MAF: variants seen among roughly 807,000 people sequenced by gnomAD.
The protein encoded by MAF is MAF bZIP transcription factor.
Under a neutral mutation model 22.0 loss-of-function variants are expected in MAF, and 10 were observed. That is an observed-to-expected ratio of 0.45 (90% CI 0.28 to 0.77). MAF has a LOEUF of 0.77. Among genes scored for constraint, MAF ranks in the 30% least tolerant of loss-of-function variants. MAF has a pLI of 0.12. For missense variants in MAF, 544 were observed against 548.4 expected (o/e 0.99, Z 0.08); for synonymous variants, 337 against 255.8 (o/e 1.32, Z -3.03).
chr16:79,596,283 T>G, intron 1 of MAF: 1 of 1,060,160 alleles, frequency 9.4e-7, no homozygotes, highest in Middle Eastern at 4.2e-4. Flanking sequence ...GGTCATAATT[T>G]ACATCTATAT....
At chr16:79,598,716 C>G in intron 1 of MAF, 69 bp downstream of exon 1, 1 of 1,604,076 alleles carries the variant, frequency 6.2e-7, no homozygotes, top group Non-Finnish European at 8.5e-7. Flanking sequence ...ACTAGCAAGC[C>G]CACACCCGAG....
chr16:79,595,078 C>T (rs1365403604), intron 1 of MAF: 9 of 1,047,352 alleles, frequency 8.6e-6, no homozygotes, highest in Non-Finnish European at 1.0e-5. Context: ...AGCATTCTCT[C>T]CATTTCTGCT....
chr16:79,459,192 T>C, the MAF span, among the ~76,000 whole-genome samples: 1 of 152,206 alleles, frequency 6.6e-6, no homozygotes, highest in Non-Finnish European at 1.5e-5. Flanking sequence ...TTGTCTCACA[T>C]AAAAGTTCAT....
the MAF span, among the ~76,000 whole-genome samples, chr16:79,287,699 TTTCA>T: frequency 6.6e-6 from 1 of 152,290 alleles, no homozygotes; most frequent in African/African-American, 2.4e-5. Context: ...CCACTCATTC[TTTCA>T]TTCACTCATT....
At chr16:79,579,870 T>C in the MAF span, among the ~76,000 whole-genome samples, 1 of 152,178 alleles carries the variant, frequency 6.6e-6, no homozygotes, top group African/African-American at 2.4e-5. Flanking sequence ...TGAATGGCAC[T>C]GTGACATGTT....
chr16:79,502,708 A>AATATATATAT, the MAF span, among the ~76,000 whole-genome samples: 40 of 33,942 alleles, frequency 1.2e-3, no homozygotes, highest in Non-Finnish European at 1.6e-3. Flanking sequence ...TATAAATATA[A>AATATATATAT]ATATATATAT....
chr16:79,504,765 T>C, the MAF span, among the ~76,000 whole-genome samples: 7 of 152,204 alleles, frequency 4.6e-5, no homozygotes, highest in African/African-American at 1.7e-4. Context: ...ATCTCATACA[T>C]TGGACTAAAG....
the MAF span, among the ~76,000 whole-genome samples, chr16:79,283,859 C>G: frequency 6.6e-6 from 1 of 151,774 alleles, no homozygotes; most frequent in African/African-American, 2.4e-5. Context: ...TTGGCCTGTC[C>G]TCAAACAGAC....
chr16:79,273,911 C>A, the MAF span, among the ~76,000 whole-genome samples: 2 of 148,392 alleles, frequency 1.3e-5, no homozygotes, highest in Admixed American at 6.7e-5. Flanking sequence ...AGCTGGAGGT[C>A]TGCAGAATCA....
At chr16:79,474,751 G>T in the MAF span, among the ~76,000 whole-genome samples, 29 of 152,154 alleles carry the variant, frequency 1.9e-4, no homozygotes, top group Admixed American at 5.9e-4. Flanking sequence ...GCATGACCCA[G>T]ACCTACTTTT....
chr16:79,529,038 G>T, the MAF span, among the ~76,000 whole-genome samples: 291 of 152,286 alleles, frequency 1.9e-3, 4 homozygotes, highest in African/African-American at 6.6e-3. Flanking sequence ...TTCTACTTTT[G>T]TTCTTATCTG....
the MAF span, among the ~76,000 whole-genome samples, chr16:79,356,481 G>T: frequency 5.3e-5 from 8 of 151,988 alleles, no homozygotes; most frequent in African/African-American, 1.7e-4. Flanking sequence ...CTTTCTCCCT[G>T]CCTTCCTCAC....
chr16:79,556,070 AT>A, the MAF span, among the ~76,000 whole-genome samples: 1 of 152,136 alleles, frequency 6.6e-6, no homozygotes, highest in Non-Finnish European at 1.5e-5. Context: ...TTTATAATAT[AT>A]TTAGTTGTAA....
At chr16:79,573,573 G>A in the MAF span, among the ~76,000 whole-genome samples, 28 of 152,188 alleles carry the variant, frequency 1.8e-4, no homozygotes, top group South Asian at 6.2e-4. Context: ...GCAAGAATGC[G>A]TTTTATTTGT....
chr16:79,325,273 C>T, the MAF span, among the ~76,000 whole-genome samples: 45 of 152,284 alleles, frequency 3.0e-4, no homozygotes, highest in South Asian at 7.0e-3. Flanking sequence ...GAAAGACAGA[C>T]GGCTGGAATC....
the MAF span, among the ~76,000 whole-genome samples, chr16:79,479,272 C>T: frequency 6.6e-6 from 1 of 152,240 alleles, no homozygotes; most frequent in Non-Finnish European, 1.5e-5. Flanking sequence ...TCATACCTTT[C>T]TACCATCCTG....
chr16:79,437,999 C>G, the MAF span, among the ~76,000 whole-genome samples: 1 of 152,172 alleles, frequency 6.6e-6, no homozygotes, highest in East Asian at 1.9e-4. Context: ...CACCGGGAAG[C>G]CGGGGCTACT....
the MAF span, among the ~76,000 whole-genome samples, chr16:79,263,264 T>C: frequency 1.3e-5 from 2 of 152,236 alleles, no homozygotes; most frequent in Non-Finnish European, 2.9e-5. Flanking sequence ...TTTCTCACGT[T>C]AGTCTTCATA....
chr16:79,232,609 A>G, the MAF span, among the ~76,000 whole-genome samples: 1 of 151,994 alleles, frequency 6.6e-6, no homozygotes. Flanking sequence ...CCTGACACTC[A>G]TGGCACATGG....
Sources: gnomAD v4.1 joint callset for allele counts (sites outside exome capture counted in the v4.1 genomes callset) on GRCh38, gnomAD v4.1.1 for gene constraint, MANE v1.5 for transcripts, NCBI Gene and HGNC (gene_info 2026-07-23, HGNC 2026-07-21) for gene names.